PDE10A: variants seen among roughly 807,000 people sequenced by gnomAD.
The protein encoded by PDE10A is phosphodiesterase 10A.
PDE10A carries 39 observed loss-of-function variants against 97.7 expected under a neutral mutation model. That is an observed-to-expected ratio of 0.40 (90% CI 0.31 to 0.52). PDE10A has a LOEUF of 0.52. Among genes scored for constraint, PDE10A ranks in the 20% least tolerant of loss-of-function variants. The pLI, the probability that PDE10A is intolerant of heterozygous loss-of-function variation, is 0.56. For synonymous variants in PDE10A, 371 were observed against 376.8 expected, an observed-to-expected ratio of 0.98 and a Z score of 0.18; for missense variants, 731 against 1,047.8, an observed-to-expected ratio of 0.70 and a Z score of 4.17.
intron 2 of PDE10A, among the ~76,000 whole-genome samples, chr6:165,528,118 G>T (rs922792538): frequency 4.6e-5 from 7 of 152,238 alleles, no homozygotes; most frequent in Admixed American, 3.9e-4. Context: ...TGGGTGGATG[G>T]TCAGGGACTT....
chr6:165,936,857 A>T (rs920510321), intron 1 of PDE10A, among the ~76,000 whole-genome samples: 22 of 152,136 alleles, frequency 1.4e-4, no homozygotes, highest in African/African-American at 4.3e-4. Context: ...CTCTTCTAAG[A>T]TCATCTCCCA....
chr6:165,738,372 A>T (rs1249523807), intron 1 of PDE10A, among the ~76,000 whole-genome samples: 2 of 151,036 alleles, frequency 1.3e-5, no homozygotes, highest in South Asian at 2.1e-4. Context: ...ATAGTATTCC[A>T]TGGTGTATAT....
chr6:165,907,747 C>T (rs1016394427), intron 1 of PDE10A, among the ~76,000 whole-genome samples: 4 of 152,154 alleles, frequency 2.6e-5, no homozygotes, highest in Admixed American at 1.3e-4. Context: ...GGGAAAGGAC[C>T]GTGGAACAGC....
chr6:165,684,496 T>A (rs1415610390), intron 1 of PDE10A, among the ~76,000 whole-genome samples: 1 of 152,192 alleles, frequency 6.6e-6, no homozygotes, highest in Non-Finnish European at 1.5e-5. Flanking sequence ...CAAGCTATGG[T>A]CGCGGCTGCC....
intron 1 of PDE10A, among the ~76,000 whole-genome samples, chr6:165,747,313 T>C (rs1262525055): frequency 6.6e-6 from 1 of 152,198 alleles, no homozygotes; most frequent in African/African-American, 2.4e-5. Context: ...CAAGTGAAGA[T>C]GTCAGGCTAC....
At chr6:165,534,003 T>C in intron 2 of PDE10A, among the ~76,000 whole-genome samples, 1 of 152,006 alleles carries the variant, frequency 6.6e-6, no homozygotes, top group Non-Finnish European at 1.5e-5. Context: ...CCAAATACTC[T>C]CAGAAAGAAT....
intron 1 of PDE10A, among the ~76,000 whole-genome samples, chr6:165,794,227 ACTCC>A (rs1778754106): frequency 6.8e-6 from 1 of 147,330 alleles, no homozygotes; most frequent in Admixed American, 6.8e-5. Context: ...ACAATCATAC[ACTCC>A]CTCCCACACG....
intron 1 of PDE10A, among the ~76,000 whole-genome samples, chr6:165,779,284 T>C (rs1292285725): frequency 1.4e-5 from 2 of 146,224 alleles, no homozygotes; most frequent in Non-Finnish European, 3.1e-5. Flanking sequence ...GCCTTTTCAC[T>C]TCAACAGAAA....
intron 1 of PDE10A, among the ~76,000 whole-genome samples, chr6:165,732,752 A>G (rs1792471607): frequency 6.6e-6 from 1 of 152,210 alleles, no homozygotes; most frequent in Non-Finnish European, 1.5e-5. Context: ...TCCCAACAGT[A>G]GCTCTGGAGT....
chr6:165,567,613 C>T (rs959109574), intron 1 of PDE10A, among the ~76,000 whole-genome samples: 4 of 152,150 alleles, frequency 2.6e-5, no homozygotes, highest in African/African-American at 7.2e-5. Context: ...TCCCCATATA[C>T]TTAACAGGCT....
At chr6:165,906,255 G>T (rs186759755) in intron 1 of PDE10A, among the ~76,000 whole-genome samples, 2 of 151,038 alleles carry the variant, frequency 1.3e-5, no homozygotes, top group Non-Finnish European at 2.9e-5. Context: ...CTCCAAGGGC[G>T]CAGTGGAAAG....
At chr6:165,346,017 G>A (rs897492032) in intron 18 of PDE10A, among the ~76,000 whole-genome samples, 3 of 152,208 alleles carry the variant, frequency 2.0e-5, no homozygotes, top group African/African-American at 7.2e-5. Context: ...TTATGGCTGC[G>A]ACACAGTGAA....
chr6:165,689,874 C>A (rs576014100), intron 1 of PDE10A, among the ~76,000 whole-genome samples: 1 of 152,248 alleles, frequency 6.6e-6, no homozygotes, highest in South Asian at 2.1e-4. Flanking sequence ...AATGTTCATA[C>A]CCTGATGCAA....
chr6:165,333,214 A>G, intron 21 of PDE10A, 87 bp from the exon 22 acceptor site: 1 of 810,790 alleles, frequency 1.2e-6, no homozygotes, highest in Non-Finnish European at 2.2e-6. Context: ...GTCCTGTGGC[A>G]CAGCTCTGCA....
At chr6:165,806,107 T>C (rs1384659620) in intron 1 of PDE10A, among the ~76,000 whole-genome samples, 3 of 135,442 alleles carry the variant, frequency 2.2e-5, no homozygotes, top group Non-Finnish European at 4.7e-5. Flanking sequence ...CTGGGCCTCA[T>C]CCTCTATCTA....
intron 3 of PDE10A, among the ~76,000 whole-genome samples, chr6:165,463,220 C>T (rs1424245836): frequency 1.3e-5 from 2 of 152,178 alleles, no homozygotes; most frequent in Non-Finnish European, 2.9e-5. Context: ...TATCTGGAAC[C>T]ATGGTGGTAT....
At chr6:165,609,591 T>C (rs2128400441) in intron 1 of PDE10A, among the ~76,000 whole-genome samples, 1 of 152,214 alleles carries the variant, frequency 6.6e-6, no homozygotes, top group Non-Finnish European at 1.5e-5. Context: ...GACGACATGA[T>C]TGTATATCTA....
At position 165,854,431 on chromosome 6, in the gene PDE10A, G is replaced by T. The variant is rs923109428; in HGVS notation, c.-615+133098C>A. On this transcript the variant is annotated intron_variant, in intron 1 of 19. Coordinates refer to the PDE10A transcript ENST00000366882. ...GTTTTGGAAATTGCTGCTGTGAGCCGCAAGACGTTCGCAGGCTCTGCTGCG... is the reference window on the plus strand; with the variant it reads ...GTTTTGGAAATTGCTGCTGTGAGCCTCAAGACGTTCGCAGGCTCTGCTGCG... Among the ~76,000 whole-genome samples, 6 of 152,160 alleles carry T rather than the reference G, an allele frequency of 3.9e-5. No homozygotes were observed. In the South Asian group the frequency reaches 8.3e-4, roughly 21 times the overall value.
chr6:165,801,007 T>C (rs1253553680), intron 1 of PDE10A, among the ~76,000 whole-genome samples: 1 of 152,212 alleles, frequency 6.6e-6, no homozygotes, highest in Non-Finnish European at 1.5e-5. Context: ...AAAGGCTGAT[T>C]ATGAAGGCGT....
Sources: allele counts gnomAD v4.1 joint callset (sites outside exome capture counted in the v4.1 genomes callset), GRCh38; gene constraint gnomAD v4.1.1; transcripts MANE v1.5; gene names NCBI Gene and HGNC (gene_info 2026-07-23, HGNC 2026-07-21).